Variants in URI1 observed in about 807,000 individuals in gnomAD.
URI1 encodes the protein unconventional prefoldin RPB5 interactor 1.
In URI1, 39 loss-of-function variants were observed where a neutral mutation model predicts 60.2. That is an observed-to-expected ratio of 0.65 (90% CI 0.50 to 0.85). The LOEUF is 0.85. Ranked by LOEUF, URI1 falls within the 40% of genes least tolerant of loss-of-function variation. URI1 has a pLI of 0.00. For missense variants in URI1, 691 were observed against 665.9 expected, an observed-to-expected ratio of 1.04 and a Z score of -0.42; for synonymous variants, 251 against 236.8, an observed-to-expected ratio of 1.06 and a Z score of -0.55.
At chr19:29,975,745 A>G (rs534971018) in intron 2 of URI1, among the ~76,000 whole-genome samples, 8 of 152,180 alleles carry the variant, frequency 5.3e-5, no homozygotes, top group African/African-American at 9.6e-5. Flanking sequence ...AGCTCAGGCA[A>G]TGCACCCTCC....
intron 1 of URI1, among the ~76,000 whole-genome samples, chr19:29,964,098 T>C (rs1180731307): frequency 6.6e-6 from 1 of 152,118 alleles, no homozygotes; most frequent in Non-Finnish European, 1.5e-5. Flanking sequence ...TAGCCATGGC[T>C]GTCTCCTCAG....
Position 30,009,167 on chromosome 19 carries a change from T to C in URI1, c.849T>C (p.Asn283=). The change falls in exon 8 of 11, where the codon AAT becomes AAC. Residue 283 remains asparagine (N), a synonymous_variant. Transcript: ENST00000392271. ...ASSEPFSGQV[N]SQLNCSVNGS... is the part of the protein sequence containing the mutation. ...CAGAACCATTCAGTGGTCAAGTGAATAGTCAGTTGAACTGTTCAGTGAATG... is the reference window on the plus strand; with the variant it reads ...CAGAACCATTCAGTGGTCAAGTGAACAGTCAGTTGAACTGTTCAGTGAATG... 1 of 1,613,974 alleles carries C rather than the reference T, an allele frequency of 6.2e-7. No individual in the cohort carries two copies. The highest frequency in any genetic ancestry group is 8.5e-7 in the Non-Finnish European group (1 of 1,179,968).
chr19:30,006,900 G>A (rs916971487), intron 6 of URI1, among the ~76,000 whole-genome samples: 1 of 152,040 alleles, frequency 6.6e-6, no homozygotes, highest in African/African-American at 2.4e-5. Context: ...AGTTTAAAAA[G>A]TAGAGATGTT....
intron 1 of URI1, among the ~76,000 whole-genome samples, chr19:29,948,718 A>G (rs1345510679): frequency 6.6e-6 from 1 of 152,218 alleles, no homozygotes; most frequent in African/African-American, 2.4e-5. Context: ...ACAGAACAAA[A>G]TGTAGTCTCC....
intron 8 of URI1, among the ~76,000 whole-genome samples, chr19:30,010,114 A>G (rs749912490): frequency 6.6e-6 from 1 of 152,154 alleles, no homozygotes; most frequent in Admixed American, 6.5e-5. Flanking sequence ...TCTCAGGGAA[A>G]TTTAAGGCCT....
intron 2 of URI1, among the ~76,000 whole-genome samples, chr19:29,980,612 T>TTA (rs1555742250): frequency 5.4e-5 from 4 of 73,860 alleles, no homozygotes; most frequent in Non-Finnish European, 9.0e-5. Flanking sequence ...TTTTTTTTCT[T>TTA]AAAAAAAAAA....
Position 29,964,645 on chromosome 19 carries a change from A to G in URI1, c.118-6548A>G, listed in dbSNP as rs558709773. Among the ~76,000 whole-genome samples, 694 of 151,344 alleles carry G rather than the reference A, an allele frequency of 4.6e-3. 7 individuals carry two copies. The highest frequency in any genetic ancestry group is 0.016 in the African/African-American group (668 of 41,272). ...CTGGCCAATTTTTTGTATTTTTCGT[A>G]GAGATAGGGCTTCACCATCTTGGCC... On this transcript the variant is annotated intron_variant, in intron 1 of 10. Coordinates refer to ENST00000392271, the MANE Select transcript of URI1 (RefSeq NM_003796.3).
At chr19:29,994,642 A>T (rs1485105001) in intron 4 of URI1, among the ~76,000 whole-genome samples, 1 of 152,146 alleles carries the variant, frequency 6.6e-6, no homozygotes, top group East Asian at 1.9e-4. Flanking sequence ...TTTGTGAATA[A>T]TGTGAATTAT....
chr19:29,982,204 T>C (rs2145361875), intron 2 of URI1, among the ~76,000 whole-genome samples: 1 of 152,312 alleles, frequency 6.6e-6, no homozygotes, highest in Non-Finnish European at 1.5e-5. Flanking sequence ...TTTGTATTTT[T>C]AGAAAATAAT....
At chr19:29,981,396 T>G (rs1278874142) in intron 2 of URI1, among the ~76,000 whole-genome samples, 1 of 152,176 alleles carries the variant, frequency 6.6e-6, no homozygotes, top group Non-Finnish European at 1.5e-5. Context: ...AATGAGCTGT[T>G]TCCCATAGGT....
Position 30,015,815 on chromosome 19 carries a change from A to T in URI1, c.*746A>T. On this transcript the variant is annotated 3_prime_UTR_variant, in exon 11 of 11. Coordinates refer to ENST00000392271, the MANE Select transcript of URI1 (RefSeq NM_003796.3). ...CTGGAATTCTTTCAGTTCCTCAGAT[A>T]CTTCTCCCTTAGTTTTTGCAGTTTC... 2.4e-6 allele frequency: 1 copy of T among 410,758 alleles called. No homozygotes were observed. The highest frequency in any genetic ancestry group is 4.3e-6 in the Non-Finnish European group (1 of 233,320). The allele number at this position is 410,758 out of a possible 1,614,324, so 25.4% of individuals were successfully genotyped here.
intron 4 of URI1, 32 bp downstream of exon 4, chr19:29,986,449 T>C (rs760814744): frequency 4.3e-5 from 68 of 1,597,072 alleles, no homozygotes; most frequent in Non-Finnish European, 4.8e-5. Flanking sequence ...TGTTTCTTTG[T>C]TGTATATGTA....
At chr19:29,952,304 C>A (rs907506978) in intron 1 of URI1, among the ~76,000 whole-genome samples, 1 of 152,166 alleles carries the variant, frequency 6.6e-6, no homozygotes, top group Admixed American at 6.5e-5. Context: ...TGCCACATGT[C>A]CTCTTAGAAC....
Position 30,007,160 on chromosome 19 carries a change from C to T in URI1, c.518-310C>T, listed in dbSNP as rs372874481. Among the ~76,000 whole-genome samples, 4 of 152,170 alleles carry T rather than the reference C, an allele frequency of 2.6e-5. No homozygotes were observed. In the Middle Eastern group the frequency reaches 0.014, roughly 518 times the overall value. On this transcript the variant is annotated intron_variant, in intron 6 of 10. Coordinates refer to ENST00000392271, the MANE Select transcript of URI1 (RefSeq NM_003796.3). ...GCATTTTTGAAGCTCTTCTCACAAC[C>T]TTGAATGTGTATGCAGGTTCTCTGG...
Position 29,942,464 on chromosome 19 carries a change from G to A in URI1, c.-84G>A. ...GCGCGGTGCCTGAGGGCGGGCGCGC[G>A]GGCGCTGGGCAACTGCCGGCCGCGC... On this transcript the variant is annotated 5_prime_UTR_variant, in exon 1 of 11. Transcript: ENST00000392271. 9.6e-7 allele frequency: 1 copy of A among 1,041,606 alleles called. No individual in the cohort carries two copies. Among genetic ancestry groups the A allele is most frequent in the Non-Finnish European group, 1.2e-6 (1 of 866,400 alleles). The allele number at this position is 1,041,606 out of a possible 1,614,324, so 64.5% of individuals were successfully genotyped here.
At chr19:29,986,162 T>G in intron 3 of URI1, 120 bp from the exon 4 acceptor site, 1 of 993,680 alleles carries the variant, frequency 1.0e-6, no homozygotes, top group Non-Finnish European at 1.4e-6. Flanking sequence ...GCATTTTATT[T>G]TTCCCAATGT....
At chr19:30,012,669 G>A (rs1460377223) in intron 10 of URI1, 138 bp downstream of exon 10, 4 of 1,012,616 alleles carry the variant, frequency 4.0e-6, no homozygotes, top group South Asian at 1.9e-5. Flanking sequence ...AAAATTAATA[G>A]TCACAAACAG....
chr19:29,973,596 AAAT>A (rs2055485910), intron 2 of URI1, among the ~76,000 whole-genome samples: 1 of 152,140 alleles, frequency 6.6e-6, no homozygotes, highest in Admixed American at 6.5e-5. Flanking sequence ...CTAGGCTCAG[AAAT>A]AATCTAAATT....
intron 2 of URI1, among the ~76,000 whole-genome samples, chr19:29,983,829 G>A (rs1159233909): frequency 2.6e-5 from 4 of 152,158 alleles, no homozygotes; most frequent in African/African-American, 9.7e-5. Flanking sequence ...GATCATCTCT[G>A]CCCCTACAGA....
Sources: gnomAD v4.1 joint callset for allele counts (sites outside exome capture counted in the v4.1 genomes callset) on GRCh38, gnomAD v4.1.1 for gene constraint, MANE v1.5 for transcripts, NCBI Gene and HGNC (gene_info 2026-07-23, HGNC 2026-07-21) for gene names.